Variants in CACNA1I observed in about 807,000 individuals in gnomAD.
CACNA1I encodes the protein calcium voltage-gated channel subunit alpha1 I.
CACNA1I carries 74 observed loss-of-function variants against 201.6 expected under a neutral mutation model. The observed-to-expected ratio is 0.37, with a 90% CI of 0.30 to 0.45. The LOEUF (loss-of-function observed/expected upper bound fraction) is 0.45. Ranked by LOEUF, CACNA1I falls within the 20% of genes least tolerant of loss-of-function variation. The probability of loss-of-function intolerance (pLI) is 1.00; values close to 1 mark genes in which losing one functional copy is unlikely to be tolerated. For synonymous variants in CACNA1I, 1,431 were observed against 1,345.2 expected, an observed-to-expected ratio of 1.06 and a Z score of -1.40; for missense variants, 2,346 against 3,138.1, an observed-to-expected ratio of 0.75 and a Z score of 6.03.
chr22:39,664,108 C>G lies in CACNA1I; in HGVS notation c.3615C>G (p.Thr1205=), dbSNP rs1267136335. Residue 1205 remains threonine (T), a synonymous_variant, in exon 20 of 37, where the codon ACC becomes ACG. Coordinates refer to ENST00000402142, the MANE Select transcript of CACNA1I (RefSeq NM_021096.4). The stretch of plus-strand genomic sequence containing the variant: ...GCTTTCAGGAACGCATCTTTCTCAC[C>G]GTGTCCAACTACATCTTCACGGCCA... ...EAGSTERIFL[T]VSNYIFTAIF... 1.2e-6 allele frequency: 2 copies of G among 1,613,686 alleles called. No individual in the cohort carries two copies. The highest frequency in any genetic ancestry group is 1.7e-6 in the Non-Finnish European group (2 of 1,179,736).
At chr22:39,620,270 TCC>T (rs60063698) in intron 4 of CACNA1I, among the ~76,000 whole-genome samples, 841 of 50,536 alleles carry the variant, frequency 0.017, 10 homozygotes, top group African/African-American at 0.044. Flanking sequence ...CATCCATCCA[TCC>T]ATCCATACGT....
At position 39,679,874 on chromosome 22, in the gene CACNA1I, G is replaced by T. The variant is rs767569659; in HGVS notation, c.5541+6G>T. On this transcript the variant is annotated splice_donor_region_variant and intron_variant, in intron 33 of 36. Transcript: ENST00000402142. ...GTCACCACGACAAGCAAGAGGTAAT[G>T]GCAGCCCGGGAGGCCTGGCCCCTTG... 1.2e-6 allele frequency: 2 copies of T among 1,610,028 alleles called. No individual in the cohort carries two copies. The highest frequency in any genetic ancestry group is 1.3e-5 in the African/African-American group (1 of 74,896).
intron 29 of CACNA1I, among the ~76,000 whole-genome samples, 175 bp downstream of exon 29, chr22:39,674,208 CTCTT>C (rs1935454495): frequency 1.3e-5 from 2 of 152,288 alleles, no homozygotes; most frequent in South Asian, 2.1e-4. Flanking sequence ...CCCTTTATGC[CTCTT>C]TCTTCCAGTT....
chr22:39,603,030 T>G (rs1933113870), intron 3 of CACNA1I, among the ~76,000 whole-genome samples: 1 of 151,990 alleles, frequency 6.6e-6, no homozygotes, highest in Non-Finnish European at 1.5e-5. Flanking sequence ...TGCACTCCTG[T>G]AGTCCCAGCT....
At position 39,685,720 on chromosome 22, in the gene CACNA1I, G is replaced by T; in HGVS notation, c.6028-41G>T. ...GCGGCGTCCAGGTTGCTGGGGTGGG[G>T]GCCGACACAGGCGGCCTCCACGGCT... On this transcript the variant is annotated intron_variant, in intron 36 of 36. Transcript: ENST00000402142. The surrounding 1 kb of genome is among the most constrained non-coding windows in gnomAD (Gnocchi z 5.0). 1 of 1,411,492 alleles carries T rather than the reference G, an allele frequency of 7.1e-7. No individual in the cohort carries two copies. Among genetic ancestry groups the T allele is most frequent in the Non-Finnish European group, 9.2e-7 (1 of 1,091,062 alleles). 87.4% of individuals were successfully genotyped at this position (1,411,492 alleles called of 1,614,324 possible).
rs769038432 is a variant in CACNA1I, at chr22:39,634,570, C to T, written c.586C>T (p.Arg196Trp). 8.1e-6 allele frequency: 13 copies of T among 1,613,692 alleles called. No homozygotes were observed. The highest frequency in any genetic ancestry group is 2.7e-5 in the African/African-American group (2 of 74,894). Residue 196 changes from arginine to tryptophan, a missense_variant, in exon 5 of 37, where the codon CGG (arginine) becomes TGG (tryptophan). By Grantham distance (101) the Arg-to-Trp change is moderately radical (BLOSUM62 -3). Coordinates refer to ENST00000402142, the MANE Select transcript of CACNA1I (RefSeq NM_021096.4). ...TCCACCTTTTCCCCTCCCAGGTATG[C>T]GGATCCTGGTGAACCTGCTCCTGGA... ...LKAINRVPSMRILVNLLLDTL... is the reference protein window; with the variant it reads ...LKAINRVPSMWILVNLLLDTL...
intron 1 of CACNA1I, among the ~76,000 whole-genome samples, chr22:39,579,058 T>C (rs1932461922): frequency 6.6e-6 from 1 of 152,222 alleles, no homozygotes; most frequent in Non-Finnish European, 1.5e-5. Flanking sequence ...CTCCCAGTAG[T>C]TGTTTGCTGC....
At chr22:39,575,346 G>A (rs182604000) in intron 1 of CACNA1I, among the ~76,000 whole-genome samples, 2 of 152,254 alleles carry the variant, frequency 1.3e-5, no homozygotes, top group Non-Finnish European at 2.9e-5. Context: ...CACTCCACAG[G>A]GTTGATTGCA....
At chr22:39,678,553 G>A (rs1339946650) in intron 31 of CACNA1I, among the ~76,000 whole-genome samples, 1 of 152,166 alleles carries the variant, frequency 6.6e-6, no homozygotes, top group Non-Finnish European at 1.5e-5. Flanking sequence ...CGGGGCCCTA[G>A]GGTGGAGAGG....
intron 1 of CACNA1I, among the ~76,000 whole-genome samples, chr22:39,587,167 G>T (rs1932763597): frequency 6.6e-6 from 1 of 152,176 alleles, no homozygotes; most frequent in Admixed American, 6.5e-5. Flanking sequence ...ACTGAAGCTT[G>T]CTAGGTATTT....
chr22:39,592,103 TG>T (rs1306983136), intron 1 of CACNA1I, among the ~76,000 whole-genome samples: 1 of 152,166 alleles, frequency 6.6e-6, no homozygotes, highest in Non-Finnish European at 1.5e-5. Context: ...GCTGAGGCGC[TG>T]GGGGGCTCTG....
intron 1 of CACNA1I, among the ~76,000 whole-genome samples, chr22:39,584,258 G>A (rs924148644): frequency 6.6e-6 from 1 of 152,164 alleles, no homozygotes; most frequent in Non-Finnish European, 1.5e-5. Context: ...GATGTGGGGC[G>A]AGGGGAAGGG....
chr22:39,585,386 C>CTTTTTTTTTTTTTTT (rs67733131), intron 1 of CACNA1I, among the ~76,000 whole-genome samples: 6 of 90,446 alleles, frequency 6.6e-5, no homozygotes, highest in Non-Finnish European at 1.1e-4. Flanking sequence ...TTCTTTCTTT[C>CTTTTTTTTTTTTTTT]TTTTTTTTTT....
chr22:39,623,513 A>C (rs1362634247), intron 4 of CACNA1I, among the ~76,000 whole-genome samples: 1 of 146,868 alleles, frequency 6.8e-6, no homozygotes, highest in Non-Finnish European at 1.5e-5. Flanking sequence ...TATGCCTATG[A>C]ATATGTTCAT....
intron 1 of CACNA1I, among the ~76,000 whole-genome samples, chr22:39,578,205 C>T (rs1475301743): frequency 6.6e-6 from 1 of 152,130 alleles, no homozygotes; most frequent in Non-Finnish European, 1.5e-5. Flanking sequence ...AGAAGACCTC[C>T]TCCCATCGCC....
At chr22:39,653,518 G>C (rs945876423) in intron 10 of CACNA1I, among the ~76,000 whole-genome samples, 9 of 152,224 alleles carry the variant, frequency 5.9e-5, no homozygotes, top group African/African-American at 2.2e-4. Flanking sequence ...GGCTTCCAAG[G>C]GGGGTGCAGG....
At chr22:39,644,187 C>T (rs1934417724) in intron 7 of CACNA1I, among the ~76,000 whole-genome samples, 1 of 152,186 alleles carries the variant, frequency 6.6e-6, no homozygotes. Flanking sequence ...AGTGTGGGAG[C>T]CACAAGCCCC....
chr22:39,601,970 A>C (rs565243523), intron 3 of CACNA1I, among the ~76,000 whole-genome samples: 26 of 10,832 alleles, frequency 2.4e-3, no homozygotes, highest in Non-Finnish European at 2.9e-3. Context: ...TCTTTCTTTC[A>C]CCCTCCCTCC....
At position 39,689,646 on chromosome 22, in the gene CACNA1I, C is replaced by T. The variant is rs1458085409; in HGVS notation, c.*3241C>T. ...CTCCTAGTTGCTGATGGCGCTGGTA[C>T]CTGCTGGCCCATGGCCCGGGTGTAG... On this transcript the variant is annotated 3_prime_UTR_variant, in exon 37 of 37. Coordinates refer to ENST00000402142, the MANE Select transcript of CACNA1I (RefSeq NM_021096.4). 6.5e-6 allele frequency: 1 copy of T among 152,722 alleles called. No homozygotes were observed. The highest frequency in any genetic ancestry group is 1.5e-5 in the Non-Finnish European group (1 of 68,072). 9.5% of individuals were successfully genotyped at this position (152,722 alleles called of 1,614,324 possible).
Sources: gnomAD v4.1 joint callset for allele counts (sites outside exome capture counted in the v4.1 genomes callset) on GRCh38, gnomAD v4.1.1 for gene constraint, Gnocchi (gnomAD v3.1) non-coding constraint, MANE v1.5 for transcripts, NCBI Gene and HGNC (gene_info 2026-07-23, HGNC 2026-07-21) for gene names.